INSL6: variants seen among roughly 807,000 people sequenced by gnomAD.
INSL6 encodes insulin like 6, also known as insulin-like peptide INSL6.
INSL6 carries 16 observed loss-of-function variants against 9.4 expected under a neutral mutation model. The observed-to-expected ratio is 1.70, with a 90% CI of 1.15 to 2.59. INSL6 has a LOEUF of 2.59. INSL6 is among the 30% of genes most tolerant of loss of function. The pLI is 0.00. For missense variants in INSL6, 391 were observed against 257.3 expected, an observed-to-expected ratio of 1.52 and a Z score of -3.56; for synonymous variants, 154 against 96.9, an observed-to-expected ratio of 1.59 and a Z score of -3.46.
chr9:5,158,452 T>A (rs371121912), intron 2 of INSL6, among the ~76,000 whole-genome samples: 1 of 151,948 alleles, frequency 6.6e-6, no homozygotes, highest in African/African-American at 2.4e-5. Flanking sequence ...AGGTCAAGGA[T>A]AAAGAAAGGG....
chr9:5,035,783 G>A, the INSL6 span, among the ~76,000 whole-genome samples: 1 of 152,132 alleles, frequency 6.6e-6, no homozygotes, highest in African/African-American at 2.4e-5. Flanking sequence ...CATACTGAAT[G>A]GACAGAAACT....
chr9:5,111,570 T>C, the INSL6 span: 1 of 364,746 alleles, frequency 2.7e-6, no homozygotes, highest in Non-Finnish European at 5.4e-6. Context: ...GATGGCAGCC[T>C]GCACCCCTAA....
the INSL6 span, chr9:5,112,466 G>A: frequency 1.8e-6 from 1 of 544,144 alleles, no homozygotes; most frequent in Non-Finnish European, 3.3e-6. Context: ...AAGGACCCCC[G>A]GGACCGGACC....
chr9:5,051,417 C>T, the INSL6 span, among the ~76,000 whole-genome samples: 1 of 152,056 alleles, frequency 6.6e-6, no homozygotes, highest in African/African-American at 2.4e-5. Context: ...ATTTTATTTG[C>T]ATTAGACTCA....
At chr9:5,180,833 G>A (rs926835707) in intron 1 of INSL6, among the ~76,000 whole-genome samples, 2 of 152,108 alleles carry the variant, frequency 1.3e-5, no homozygotes, top group African/African-American at 4.8e-5. Flanking sequence ...CATTTGTCCT[G>A]TTCCCTCAGA....
the INSL6 span, chr9:5,054,441 G>T: frequency 2.8e-6 from 2 of 726,048 alleles, no homozygotes; most frequent in Non-Finnish European, 4.6e-6. The surrounding 1 kb of genome is among the most constrained non-coding windows in gnomAD (Gnocchi z 4.9). Flanking sequence ...ACGCCACTTG[G>T]CCACTGTGTT....
the INSL6 span, among the ~76,000 whole-genome samples, chr9:5,009,700 T>C: frequency 1.3e-5 from 2 of 152,288 alleles, no homozygotes; most frequent in Admixed American, 1.3e-4. Context: ...ATATTTATGC[T>C]TTTTATGTGT....
chr9:4,994,829 G>A, the INSL6 span, among the ~76,000 whole-genome samples: 22 of 152,138 alleles, frequency 1.4e-4, no homozygotes, highest in African/African-American at 4.3e-4. Context: ...CTCTCTGAGA[G>A]TTGTCTGTAT....
chr9:5,056,703 C>T, the INSL6 span, among the ~76,000 whole-genome samples: 1 of 152,048 alleles, frequency 6.6e-6, no homozygotes, highest in East Asian at 1.9e-4. Context: ...TTTATGGATG[C>T]ATAAAAGGAT....
chr9:5,143,292 G>A (rs564370474), intron 2 of INSL6, among the ~76,000 whole-genome samples: 42 of 151,090 alleles, frequency 2.8e-4, no homozygotes, highest in Admixed American at 7.3e-4. Flanking sequence ...TATACATCTC[G>A]TATAATTCAG....
At chr9:4,993,625 T>G in the INSL6 span, among the ~76,000 whole-genome samples, 1 of 152,190 alleles carries the variant, frequency 6.6e-6, no homozygotes, top group African/African-American at 2.4e-5. Context: ...TCACTATCAT[T>G]TCTCTCACTT....
At chr9:5,022,107 G>T in the INSL6 span, 6 of 1,613,830 alleles carry the variant, frequency 3.7e-6, no homozygotes, top group South Asian at 6.6e-5. Context: ...CAGTTCTTCA[G>T]GTGTATCTTT....
chr9:5,035,041 A>G, the INSL6 span, among the ~76,000 whole-genome samples: 3 of 152,392 alleles, frequency 2.0e-5, no homozygotes, highest in Non-Finnish European at 4.4e-5. Flanking sequence ...ATAAAAAATG[A>G]TAAAGGGGAT....
chr9:5,113,685 G>A, the INSL6 span: 2 of 164,966 alleles, frequency 1.2e-5, no homozygotes, highest in Non-Finnish European at 1.4e-5. Context: ...TGGGACACAG[G>A]CTCCCTCAAC....
the INSL6 span, among the ~76,000 whole-genome samples, chr9:5,073,422 T>C: frequency 6.6e-6 from 1 of 152,192 alleles, no homozygotes; most frequent in Non-Finnish European, 1.5e-5. Flanking sequence ...TCAGGTGTTA[T>C]GGGTCAAGCC....
At chr9:5,140,815 C>A (rs1193111982) in intron 2 of INSL6, among the ~76,000 whole-genome samples, 1 of 151,944 alleles carries the variant, frequency 6.6e-6, no homozygotes. Flanking sequence ...TATTTTGTCA[C>A]CTAGGTATTA....
At chr9:5,094,461 G>T in the INSL6 span, 1 of 151,830 alleles carries the variant, frequency 6.6e-6, no homozygotes, top group Non-Finnish European at 1.5e-5. Context: ...ATTATGTACT[G>T]ATCGGCACAC....
chr9:5,059,452 A>C, the INSL6 span, among the ~76,000 whole-genome samples: 1 of 152,046 alleles, frequency 6.6e-6, no homozygotes, highest in Admixed American at 6.6e-5. Context: ...TCAAATTTTA[A>C]ATGTATTCTG....
intron 2 of INSL6, among the ~76,000 whole-genome samples, chr9:5,153,341 C>G (rs1457737528): frequency 6.6e-6 from 1 of 152,154 alleles, no homozygotes; most frequent in Non-Finnish European, 1.5e-5. Flanking sequence ...TTGGGACACT[C>G]GAACTTGGTG....
Sources: allele counts gnomAD v4.1 joint callset (sites outside exome capture counted in the v4.1 genomes callset), GRCh38; gene constraint gnomAD v4.1.1; non-coding constraint Gnocchi (gnomAD v3.1); transcripts MANE v1.5; gene names NCBI Gene and HGNC (gene_info 2026-07-23, HGNC 2026-07-21).